Variants in DNAH12 observed in about 807,000 individuals in gnomAD.
DNAH12 encodes axonemal beta dynein heavy chain 12.
DNAH12 carries 285 observed loss-of-function variants against 371.5 expected under a neutral mutation model. The ratio of observed to expected loss-of-function variants is 0.77; its 90% CI spans 0.70 to 0.85. The LOEUF (loss-of-function observed/expected upper bound fraction) is 0.85. DNAH12 is among the 40% of genes least tolerant of loss of function. The pLI is 0.00. For synonymous variants in DNAH12, 1,200 were observed against 1,213.0 expected (o/e 0.99, Z 0.22); for missense variants, 3,611 against 3,689.4 (o/e 0.98, Z 0.55).
At chr3:57,485,551 GCCACCA>G (rs201056455) in intron 12 of DNAH12, among the ~76,000 whole-genome samples, 3,252 of 151,560 alleles carry the variant, frequency 0.021, 110 homozygotes, top group African/African-American at 0.074. Context: ...ACAGGCGCGT[GCCACCA>G]CGTCTGGCTA....
chr3:57,333,330 T>A (rs1046837642), intron 62 of DNAH12, among the ~76,000 whole-genome samples: 2 of 75,768 alleles, frequency 2.6e-5, no homozygotes, highest in African/African-American at 9.1e-5. Flanking sequence ...TTAAGGCAAC[T>A]TTTTTTTTTT....
intron 12 of DNAH12, among the ~76,000 whole-genome samples, chr3:57,485,033 A>G (rs2066876992): frequency 1.3e-5 from 2 of 152,338 alleles, no homozygotes; most frequent in Admixed American, 6.5e-5. Context: ...TCAAAAAACA[A>G]TAGATGTTGG....
At chr3:57,475,247 A>C (rs2066487067) in intron 13 of DNAH12, among the ~76,000 whole-genome samples, 1 of 152,194 alleles carries the variant, frequency 6.6e-6, no homozygotes, top group Non-Finnish European at 1.5e-5. Context: ...CACAGAAAGC[A>C]CTAGGTATAA....
intron 33 of DNAH12, 24 bp downstream of exon 33, chr3:57,429,667 C>A: frequency 6.6e-7 from 1 of 1,510,610 alleles, no homozygotes; most frequent in Non-Finnish European, 8.8e-7. Flanking sequence ...AACAAACCAC[C>A]ATTGTATTAA....
intron 55 of DNAH12, among the ~76,000 whole-genome samples, chr3:57,372,717 C>T (rs1418849562): frequency 6.6e-6 from 1 of 151,328 alleles, no homozygotes; most frequent in Non-Finnish European, 1.5e-5. Context: ...AACCAATAAG[C>T]CAATGTGGAC....
In DNAH12 at chr3:57,448,772, G is replaced by T. The variant is rs931978361; in HGVS notation, c.3787-2083C>A. On this transcript the variant is annotated intron_variant, in intron 25 of 73. Transcript: ENST00000495027. The stretch of plus-strand genomic sequence containing the variant: ...TACAAAGCTCTCCACGTCCCCATCA[G>T]ATTAGTTAGATACAGAGTATGGACA... Among the ~76,000 whole-genome samples, 3 of 152,100 alleles carry T rather than the reference G, an allele frequency of 2.0e-5. No individual in the cohort carries two copies. In the East Asian group the frequency reaches 5.8e-4, roughly 29 times the overall value.
intron 2 of DNAH12, among the ~76,000 whole-genome samples, chr3:57,530,056 T>C (rs2068787608): frequency 6.6e-6 from 1 of 152,088 alleles, no homozygotes; most frequent in Non-Finnish European, 1.5e-5. Flanking sequence ...AAATTCCTCT[T>C]GTTATTGATT....
At chr3:57,444,201 C>T (rs910843633) in intron 29 of DNAH12, among the ~76,000 whole-genome samples, 8 of 151,402 alleles carry the variant, frequency 5.3e-5, no homozygotes, top group Admixed American at 2.6e-4. Flanking sequence ...AACTCTGTCT[C>T]AAAAAATAAT....
intron 29 of DNAH12, among the ~76,000 whole-genome samples, chr3:57,438,707 C>T (rs566136953): frequency 6.6e-6 from 1 of 152,112 alleles, no homozygotes; most frequent in African/African-American, 2.4e-5. Context: ...AATCTCAGCA[C>T]TTTGGGAGGC....
intron 13 of DNAH12, among the ~76,000 whole-genome samples, chr3:57,478,592 C>T (rs547205059): frequency 8.5e-4 from 129 of 152,028 alleles, no homozygotes; most frequent in Middle Eastern, 3.4e-3. Context: ...AGATACTCCT[C>T]GAGAAGAGCA....
At chr3:57,366,981 G>A (rs1401941379) in intron 56 of DNAH12, 60 bp from the exon 57 acceptor site, 13 of 152,186 alleles carry the variant, frequency 8.5e-5, no homozygotes, top group African/African-American at 3.1e-4. Flanking sequence ...CTCATGCTAT[G>A]TACTTCTATG....
chr3:57,492,366 A>G (rs998954207), intron 11 of DNAH12, among the ~76,000 whole-genome samples: 1 of 151,954 alleles, frequency 6.6e-6, no homozygotes, highest in Non-Finnish European at 1.5e-5. Context: ...AGGCTGAGAC[A>G]GGAGAATTGC....
upstream of DNAH12, among the ~76,000 whole-genome samples, chr3:57,547,322 T>A (rs1280423259): frequency 2.6e-5 from 4 of 151,532 alleles, no homozygotes; most frequent in Non-Finnish European, 4.4e-5. Context: ...TTTTTTACTT[T>A]AAAAAAAAAT....
At chr3:57,478,207 A>G (rs1284929821) in intron 13 of DNAH12, among the ~76,000 whole-genome samples, 2 of 152,152 alleles carry the variant, frequency 1.3e-5, no homozygotes. Flanking sequence ...AACTAGAATA[A>G]CCAATGCAGA....
intron 59 of DNAH12, among the ~76,000 whole-genome samples, chr3:57,354,530 T>A (rs1273377292): frequency 7.5e-6 from 1 of 132,882 alleles, no homozygotes; most frequent in African/African-American, 2.8e-5. Context: ...ACCCTATGTC[T>A]TGTTTGCTAA....
At chr3:57,320,400 G>A (rs506061) in intron 65 of DNAH12, among the ~76,000 whole-genome samples, 150,040 of 152,360 alleles carry the variant, frequency 0.98, 73,885 homozygotes, top group East Asian at 0.99. Flanking sequence ...AGTACAGCAG[G>A]CAGATCTATA....
At chr3:57,420,796 C>A (rs934516192) in intron 36 of DNAH12, among the ~76,000 whole-genome samples, 1 of 151,016 alleles carries the variant, frequency 6.6e-6, no homozygotes, top group Middle Eastern at 3.4e-3. Flanking sequence ...GTAGTCCCAG[C>A]TACTCGGGAG....
upstream of DNAH12, among the ~76,000 whole-genome samples, chr3:57,545,089 A>G (rs1286178324): frequency 6.6e-6 from 1 of 151,980 alleles, no homozygotes; most frequent in Non-Finnish European, 1.5e-5. Context: ...ATGAACAAGT[A>G]AAACTTCCTG....
chr3:57,368,563 CAATAT>C (rs1184090823), intron 55 of DNAH12, among the ~76,000 whole-genome samples: 19 of 152,144 alleles, frequency 1.2e-4, no homozygotes, highest in Admixed American at 2.6e-4. Context: ...CTGCTCTTCC[CAATAT>C]AATATGCTGT....
Sources: gnomAD v4.1 joint callset for allele counts (sites outside exome capture counted in the v4.1 genomes callset) on GRCh38, gnomAD v4.1.1 for gene constraint, MANE v1.5 for transcripts, NCBI Gene and HGNC (gene_info 2026-07-23, HGNC 2026-07-21) for gene names.